The following SYT16 variants were observed in gnomAD, a reference collection of about 807,000 sequenced individuals.
SYT16 encodes synaptotagmin-16.
Under a neutral mutation model 61.4 loss-of-function variants are expected in SYT16, and 42 were observed. The observed-to-expected ratio is 0.68, with a 90% confidence interval of 0.53 to 0.89. SYT16 has a LOEUF of 0.89. Ranked by LOEUF, SYT16 falls within the 40% of genes least tolerant of loss-of-function variation. The pLI is 0.00. For synonymous variants in SYT16, 314 were observed against 302.3 expected (o/e 1.04, Z -0.40); for missense variants, 804 against 807.3 (o/e 1.00, Z 0.05).
chr14:61,949,337 A>T (rs2050573277), intron 1 of SYT16, among the ~76,000 whole-genome samples: 1 of 152,138 alleles, frequency 6.6e-6, no homozygotes, highest in Non-Finnish European at 1.5e-5. Flanking sequence ...TTTTATATCC[A>T]CTATGTTTCT....
At chr14:61,978,097 A>G (rs2051896758) in intron 2 of SYT16, among the ~76,000 whole-genome samples, 2 of 152,142 alleles carry the variant, frequency 1.3e-5, no homozygotes, top group Non-Finnish European at 2.9e-5. Context: ...CAAGGAATCT[A>G]GTCTCATCTC....
At chr14:61,957,423 A>G (rs2050923450) in intron 1 of SYT16, among the ~76,000 whole-genome samples, 1 of 151,942 alleles carries the variant, frequency 6.6e-6, no homozygotes, top group Non-Finnish European at 1.5e-5. Context: ...TTCATTGTTG[A>G]AATGATGTTA....
Position 61,925,788 on chromosome 14 carries a change from G to T in SYT16, c.-324-44344G>T, listed in dbSNP as rs141232238. Among the ~76,000 whole-genome samples, 12 of 152,274 alleles carry T rather than the reference G, an allele frequency of 7.9e-5. No homozygotes were observed. In the East Asian group the frequency reaches 2.3e-3, roughly 29 times the overall value. ...AATCTCTTACCTTGAAGGTGAGAGA[G>T]AATTCCTGGAAGAATTATCTGAAAG... On this transcript the variant is annotated intron_variant, in intron 1 of 7. Coordinates refer to ENST00000683842, the MANE Select transcript of SYT16 (RefSeq NM_001367656.1).
chr14:61,968,009 C>T (rs2051385847), intron 1 of SYT16, among the ~76,000 whole-genome samples: 1 of 151,936 alleles, frequency 6.6e-6, no homozygotes, highest in Non-Finnish European at 1.5e-5. Context: ...GCCTGTAATC[C>T]CAGCACTTTG....
chr14:62,012,788 G>T (rs1276263631), intron 3 of SYT16, among the ~76,000 whole-genome samples: 1 of 152,076 alleles, frequency 6.6e-6, no homozygotes, highest in Non-Finnish European at 1.5e-5. Flanking sequence ...TTCTGCAAAT[G>T]GTGCATCCAG....
chr14:62,069,388 A>G (rs1464808265), intron 3 of SYT16: 1 of 562,226 alleles, frequency 1.8e-6, no homozygotes, highest in African/African-American at 1.9e-5. Context: ...GGTTCTAGCT[A>G]TATACCGTAT....
At chr14:61,867,401 G>A (rs950358443) in intron 1 of SYT16, among the ~76,000 whole-genome samples, 1 of 152,126 alleles carries the variant, frequency 6.6e-6, no homozygotes, top group Non-Finnish European at 1.5e-5. Context: ...TAACCTCACG[G>A]TGACTCATTT....
At chr14:62,059,670 C>CAT (rs1220418808) in intron 3 of SYT16, among the ~76,000 whole-genome samples, 2 of 114,354 alleles carry the variant, frequency 1.7e-5, no homozygotes, top group Non-Finnish European at 3.2e-5. Context: ...GTAATTGATA[C>CAT]ATATATATAA....
intron 1 of SYT16, among the ~76,000 whole-genome samples, chr14:61,868,688 A>T (rs1307291664): frequency 2.0e-5 from 3 of 151,868 alleles, no homozygotes; most frequent in Non-Finnish European, 4.4e-5. Flanking sequence ...ATTCCTTTTA[A>T]ATGTGTTAAG....
intron 1 of SYT16, among the ~76,000 whole-genome samples, chr14:61,967,464 A>C (rs1206055925): frequency 6.6e-6 from 1 of 152,142 alleles, no homozygotes; most frequent in Non-Finnish European, 1.5e-5. Flanking sequence ...AGGTGTTGGC[A>C]GGTTGGTTCT....
chr14:62,008,055 C>T (rs1187839602), intron 3 of SYT16, among the ~76,000 whole-genome samples: 2 of 151,768 alleles, frequency 1.3e-5, no homozygotes, highest in Non-Finnish European at 2.9e-5. Flanking sequence ...TTTCATGTAT[C>T]TTATTTCTTC....
intron 3 of SYT16, among the ~76,000 whole-genome samples, chr14:62,038,342 C>T (rs2054590652): frequency 6.6e-6 from 1 of 151,558 alleles, no homozygotes; most frequent in Non-Finnish European, 1.5e-5. Flanking sequence ...CATACTCTAG[C>T]AGCAGCAAAA....
intron 1 of SYT16, among the ~76,000 whole-genome samples, chr14:61,944,546 A>G (rs1017497825): frequency 6.6e-6 from 1 of 152,228 alleles, no homozygotes; most frequent in Non-Finnish European, 1.5e-5. Flanking sequence ...ATATAGACCA[A>G]TGGAACAGAA....
At chr14:61,901,291 G>C (rs565991583) in intron 1 of SYT16, among the ~76,000 whole-genome samples, 1 of 152,296 alleles carries the variant, frequency 6.6e-6, no homozygotes, top group South Asian at 2.1e-4. Flanking sequence ...TATGGCTGCT[G>C]CTGCTGCTGC....
At chr14:61,859,888 A>G (rs915362048) in intron 1 of SYT16, among the ~76,000 whole-genome samples, 2 of 152,230 alleles carry the variant, frequency 1.3e-5, no homozygotes, top group Non-Finnish European at 2.9e-5. Flanking sequence ...TAAGGTTGAA[A>G]TAATTTTATA....
intron 1 of SYT16, among the ~76,000 whole-genome samples, chr14:61,874,768 A>ATT (rs112967075): frequency 1.4e-3 from 192 of 141,804 alleles, no homozygotes; most frequent in African/African-American, 4.5e-3. Context: ...ATGCAGCAAG[A>ATT]TTTTTTTTTT....
chr14:61,891,967 A>C (rs1372882421), intron 1 of SYT16, among the ~76,000 whole-genome samples: 3 of 152,214 alleles, frequency 2.0e-5, no homozygotes, highest in African/African-American at 7.2e-5. Context: ...TAAAATGATA[A>C]ATGCAAAAGA....
At position 62,106,413 on chromosome 14, in the gene SYT16, G is replaced by A. The variant is rs2057514060; in HGVS notation, c.*5706G>A. 1 of 152,118 alleles carries A rather than the reference G, an allele frequency of 6.6e-6. No individual in the cohort carries two copies. The highest frequency in any genetic ancestry group is 1.5e-5 in the Non-Finnish European group (1 of 68,026). The allele number at this position is 152,118 out of a possible 1,614,324, so 9.4% of individuals were successfully genotyped here. On this transcript the variant is annotated 3_prime_UTR_variant, in exon 8 of 8. Coordinates refer to ENST00000683842, the MANE Select transcript of SYT16 (RefSeq NM_001367656.1). ...TCTTGGTTGCATTATATGGGAAATT[G>A]GTGGGGATGGGGGTGTCATAGAATC...
chr14:61,954,407 A>G lies in SYT16; in HGVS notation c.-324-15725A>G, dbSNP rs375677271. 2.8e-4 allele frequency among the ~76,000 whole-genome samples: 41 copies of G among 148,442 alleles called. No homozygotes were observed. The East Asian group carries it at 5.6e-3, about 20-fold the overall frequency. ...CTGAAGCATCTCTATTTATGTCGTTATATGTTCTGCCTTCTCCTTGAGCCA... is the reference window on the plus strand; with the variant it reads ...CTGAAGCATCTCTATTTATGTCGTTGTATGTTCTGCCTTCTCCTTGAGCCA... On this transcript the variant is annotated intron_variant, in intron 1 of 7. Coordinates refer to ENST00000683842, the MANE Select transcript of SYT16 (RefSeq NM_001367656.1).
Sources: gnomAD v4.1 joint callset for allele counts (sites outside exome capture counted in the v4.1 genomes callset) on GRCh38, gnomAD v4.1.1 for gene constraint, MANE v1.5 for transcripts, NCBI Gene and HGNC (gene_info 2026-07-23, HGNC 2026-07-21) for gene names.